Variants in ADGRB3 observed in about 807,000 individuals in gnomAD.
The protein encoded by ADGRB3 is adhesion G protein-coupled receptor B3.
ADGRB3 carries 37 observed loss-of-function variants against 193.4 expected under a neutral mutation model. The ratio of observed to expected loss-of-function variants is 0.19; its 90% confidence interval spans 0.15 to 0.25. ADGRB3 has a LOEUF of 0.25. Among genes scored for constraint, ADGRB3 ranks in the 10% least tolerant of loss-of-function variants. The pLI is 1.00. For synonymous variants in ADGRB3, 690 were observed against 644.2 expected (o/e 1.07, Z -1.08); for missense variants, 1,637 against 1,852.9 (o/e 0.88, Z 2.14).
chr6:68,826,305 G>A (rs377340214), intron 3 of ADGRB3, among the ~76,000 whole-genome samples: 104 of 152,292 alleles, frequency 6.8e-4, no homozygotes, highest in African/African-American at 2.4e-3. Flanking sequence ...ATGGGAATTC[G>A]AGGAAGGCTT....
rs970052585 is a variant in ADGRB3, at chr6:68,923,086, A to G, written c.758-7473A>G. On this transcript the variant is annotated intron_variant, in intron 3 of 31. Transcript: ENST00000370598. ...ATAAACGCTATATACATGTCTTAGT[A>G]GAATCATTCTTATTAAGAAAGTCAG... Among the ~76,000 whole-genome samples the G allele has an allele frequency of 2.0e-5, 3 of 151,160 alleles. No individual in the cohort carries two copies. In the Admixed American group the frequency reaches 2.0e-4, roughly 10 times the overall value.
At chr6:69,094,431 A>G (rs1451307986) in intron 17 of ADGRB3, among the ~76,000 whole-genome samples, 1 of 152,222 alleles carries the variant, frequency 6.6e-6, no homozygotes, top group Non-Finnish European at 1.5e-5. Context: ...TAGTGATGTT[A>G]TATTAAGCCA....
At chr6:69,333,898 C>T (rs1054156418) in intron 24 of ADGRB3, among the ~76,000 whole-genome samples, 2 of 148,864 alleles carry the variant, frequency 1.3e-5, no homozygotes, top group African/African-American at 4.9e-5. Context: ...CCACTGCACT[C>T]CAGCCTGGGC....
intron 3 of ADGRB3, among the ~76,000 whole-genome samples, chr6:68,804,434 C>A (rs1767366290): frequency 6.6e-6 from 1 of 152,178 alleles, no homozygotes; most frequent in Admixed American, 6.5e-5. Flanking sequence ...TTCAGTAGTA[C>A]ATGCAATGCA....
chr6:69,333,289 A>C (rs1362248632), intron 24 of ADGRB3, among the ~76,000 whole-genome samples: 1 of 152,172 alleles, frequency 6.6e-6, no homozygotes, highest in East Asian at 1.9e-4. Context: ...CTTTACTTGC[A>C]ATAGTTGTCG....
intron 3 of ADGRB3, among the ~76,000 whole-genome samples, chr6:68,883,355 G>C (rs192504167): frequency 6.6e-5 from 10 of 152,294 alleles, no homozygotes; most frequent in Admixed American, 5.2e-4. Flanking sequence ...CAATCAGCAG[G>C]ATGTGGGTGG....
intron 20 of ADGRB3, among the ~76,000 whole-genome samples, chr6:69,284,653 G>T (rs546527906): frequency 2.0e-5 from 3 of 150,274 alleles, no homozygotes; most frequent in Non-Finnish European, 4.4e-5. Context: ...TTGACATTAT[G>T]TATTTAACCT....
intron 3 of ADGRB3, among the ~76,000 whole-genome samples, chr6:68,808,404 A>G (rs1582218446): frequency 6.6e-6 from 1 of 151,908 alleles, no homozygotes; most frequent in Non-Finnish European, 1.5e-5. Context: ...GGGGGAAAAA[A>G]GCAAACCTCA....
At chr6:69,223,396 G>T (rs947597446) in intron 17 of ADGRB3, among the ~76,000 whole-genome samples, 2 of 152,064 alleles carry the variant, frequency 1.3e-5, no homozygotes, top group African/African-American at 4.8e-5. Flanking sequence ...ATCTCAGTTT[G>T]ATGTCTCAAC....
At chr6:69,073,079 A>T (rs1187219677) in intron 16 of ADGRB3, among the ~76,000 whole-genome samples, 1 of 152,188 alleles carries the variant, frequency 6.6e-6, no homozygotes, top group Admixed American at 6.5e-5. Flanking sequence ...TTACTCAGTA[A>T]ACTATGGCTA....
chr6:69,270,013 G>T (rs1184255791), intron 20 of ADGRB3, among the ~76,000 whole-genome samples: 16 of 152,116 alleles, frequency 1.1e-4, no homozygotes, highest in Admixed American at 1.0e-3. Context: ...AAAGTACAAT[G>T]TTTCTCATCT....
chr6:68,892,184 T>A (rs1766096624), intron 3 of ADGRB3, among the ~76,000 whole-genome samples: 1 of 148,816 alleles, frequency 6.7e-6, no homozygotes, highest in South Asian at 2.2e-4. Flanking sequence ...AGCCATCAAG[T>A]GTCATCTCTA....
chr6:69,383,666 C>G lies in ADGRB3; in HGVS notation c.4380+731C>G, dbSNP rs148688155. ...GTCACCCAACTCAGGTTTCTAAACT[C>G]CAATTTCACCCTCCTAAATGGAGCA... On this transcript the variant is annotated intron_variant, in intron 31 of 31. Transcript: ENST00000370598. Among the ~76,000 whole-genome samples, 777 of 152,088 alleles carry G rather than the reference C, an allele frequency of 5.1e-3. 1 individual carries two copies. The highest frequency in any genetic ancestry group is 6.9e-3 in the Non-Finnish European group (471 of 67,954).
chr6:69,029,019 C>T (rs761622940), intron 13 of ADGRB3, among the ~76,000 whole-genome samples: 1 of 152,164 alleles, frequency 6.6e-6, no homozygotes, highest in Non-Finnish European at 1.5e-5. Context: ...TACATCAGTG[C>T]CTCCCATTCA....
intron 3 of ADGRB3, among the ~76,000 whole-genome samples, chr6:68,906,511 A>C (rs1427399176): frequency 1.3e-5 from 2 of 151,978 alleles, no homozygotes; most frequent in Non-Finnish European, 2.9e-5. Context: ...AAGTAGACTT[A>C]CTGGGTCAAA....
intron 16 of ADGRB3, among the ~76,000 whole-genome samples, chr6:69,074,909 G>A (rs971299594): frequency 6.6e-6 from 1 of 152,064 alleles, no homozygotes; most frequent in Non-Finnish European, 1.5e-5. Flanking sequence ...TTGGATGAAG[G>A]CATAGATAAT....
chr6:68,760,401 T>G (rs575149597), intron 3 of ADGRB3, among the ~76,000 whole-genome samples: 1 of 152,248 alleles, frequency 6.6e-6, no homozygotes, highest in South Asian at 2.1e-4. Flanking sequence ...AAAAACTAAT[T>G]AGAAATGTAT....
At chr6:68,839,035 A>G (rs541183847) in intron 3 of ADGRB3, among the ~76,000 whole-genome samples, 19 of 150,224 alleles carry the variant, frequency 1.3e-4, no homozygotes, top group African/African-American at 3.4e-4. Context: ...CCCTCTCTCT[A>G]TCTCTCTTTC....
intron 3 of ADGRB3, among the ~76,000 whole-genome samples, chr6:68,641,017 T>A (rs891641308): frequency 6.6e-6 from 1 of 152,184 alleles, no homozygotes; most frequent in African/African-American, 2.4e-5. Context: ...GGATGGTATT[T>A]AACACCATTT....
Sources: gnomAD v4.1 joint callset for allele counts (sites outside exome capture counted in the v4.1 genomes callset) on GRCh38, gnomAD v4.1.1 for gene constraint, MANE v1.5 for transcripts, NCBI Gene and HGNC (gene_info 2026-07-23, HGNC 2026-07-21) for gene names.